Variants in MYO16 observed in about 807,000 individuals in gnomAD.
MYO16 encodes myosin XVI.
Under a neutral mutation model 205.3 loss-of-function variants are expected in MYO16, and 94 were observed. The observed-to-expected ratio is 0.46, with a 90% CI of 0.39 to 0.54. MYO16 has a LOEUF of 0.54. Ranked by LOEUF, MYO16 falls within the 20% of genes least tolerant of loss-of-function variation. The pLI is 0.00. For missense variants in MYO16, 2,315 were observed against 2,387.5 expected (o/e 0.97, Z 0.63); for synonymous variants, 988 against 954.0 (o/e 1.04, Z -0.66).
the MYO16 span, among the ~76,000 whole-genome samples, chr13:108,554,274 G>A: frequency 6.6e-6 from 1 of 151,810 alleles, no homozygotes; most frequent in East Asian, 1.9e-4. Context: ...CCTTCCCTGG[G>A]TCTTTTTCTT....
intron 14 of MYO16, among the ~76,000 whole-genome samples, chr13:108,893,388 T>TA (rs144896092): frequency 0.07 from 10,590 of 152,238 alleles, 482 homozygotes; most frequent in Middle Eastern, 0.2. Context: ...CTGTCTGCTG[T>TA]AAGAATTTAA....
At chr13:108,964,045 G>A (rs1303084560) in intron 19 of MYO16, among the ~76,000 whole-genome samples, 3 of 152,138 alleles carry the variant, frequency 2.0e-5, no homozygotes, top group Non-Finnish European at 2.9e-5. Flanking sequence ...CGCATTGCAC[G>A]TGGACCCCGC....
intron 21 of MYO16, among the ~76,000 whole-genome samples, chr13:108,998,114 T>A (rs183048269): frequency 4.0e-4 from 61 of 152,344 alleles, no homozygotes; most frequent in Admixed American, 1.4e-3. Context: ...TGCCCTTCAT[T>A]GTGAAATCAT....
chr13:108,949,480 T>C (rs1883059797), intron 16 of MYO16, among the ~76,000 whole-genome samples: 1 of 151,986 alleles, frequency 6.6e-6, no homozygotes, highest in Non-Finnish European at 1.5e-5. Flanking sequence ...AAGTATACAC[T>C]TAACAAAACA....
At chr13:108,622,934 C>T (rs537729413) in intron 1 of MYO16, among the ~76,000 whole-genome samples, 16 of 152,170 alleles carry the variant, frequency 1.1e-4, no homozygotes, top group Non-Finnish European at 1.8e-4. Context: ...AGTTCAAGGA[C>T]TCTAAGCTTT....
At chr13:109,090,182 G>A (rs1317212303) in intron 27 of MYO16, among the ~76,000 whole-genome samples, 4 of 152,182 alleles carry the variant, frequency 2.6e-5, no homozygotes, top group African/African-American at 4.8e-5. Context: ...GTGATAATGC[G>A]AAGACTTCTT....
intron 34 of MYO16, among the ~76,000 whole-genome samples, chr13:109,187,717 GC>G (rs1316541728): frequency 6.6e-6 from 1 of 152,190 alleles, no homozygotes; most frequent in Non-Finnish European, 1.5e-5. Context: ...CTGAGGGTAT[GC>G]CTTGTATGAT....
At chr13:108,516,321 G>A in the MYO16 span, among the ~76,000 whole-genome samples, 4 of 151,692 alleles carry the variant, frequency 2.6e-5, no homozygotes, top group South Asian at 4.2e-4. Flanking sequence ...GCAATGCCTC[G>A]CCCTGCTTCG....
intron 4 of MYO16, among the ~76,000 whole-genome samples, chr13:108,776,598 G>A (rs922731767): frequency 6.6e-6 from 1 of 152,120 alleles, no homozygotes; most frequent in Non-Finnish European, 1.5e-5. Flanking sequence ...CAATAAAACT[G>A]CTTCAAATAG....
intron 1 of MYO16, among the ~76,000 whole-genome samples, chr13:108,610,420 AC>A (rs1262189777): frequency 1.3e-5 from 2 of 152,016 alleles, no homozygotes; most frequent in African/African-American, 4.8e-5. Context: ...AATATTTGGG[AC>A]CTGGAGCGCT....
chr13:109,075,170 T>C (rs1888052864), intron 27 of MYO16, among the ~76,000 whole-genome samples: 1 of 152,210 alleles, frequency 6.6e-6, no homozygotes, highest in East Asian at 1.9e-4. Flanking sequence ...CAAGTGTTTA[T>C]ATAGACATGT....
intron 15 of MYO16, among the ~76,000 whole-genome samples, chr13:108,901,456 C>G (rs1880703739): frequency 1.3e-5 from 2 of 152,178 alleles, no homozygotes; most frequent in African/African-American, 2.4e-5. Flanking sequence ...AGAAAAGAAC[C>G]TACGTGAAAT....
chr13:108,904,060 C>T (rs904152683), intron 15 of MYO16, among the ~76,000 whole-genome samples: 3 of 152,078 alleles, frequency 2.0e-5, no homozygotes, highest in Non-Finnish European at 2.9e-5. Flanking sequence ...CTATTAGTTA[C>T]ACTTTTATAA....
intron 20 of MYO16, among the ~76,000 whole-genome samples, chr13:108,972,555 G>A (rs559379931): frequency 1.3e-5 from 2 of 149,934 alleles, no homozygotes; most frequent in South Asian, 2.1e-4. Context: ...TCACAGAGTA[G>A]CAGATAAGGG....
chr13:109,183,306 G>A (rs1342265789), intron 34 of MYO16, among the ~76,000 whole-genome samples: 3 of 152,180 alleles, frequency 2.0e-5, no homozygotes, highest in Non-Finnish European at 4.4e-5. Flanking sequence ...TGCCGACTCA[G>A]AGGGCCAGGT....
intron 4 of MYO16, among the ~76,000 whole-genome samples, chr13:108,783,420 T>G (rs919689748): frequency 3.9e-5 from 6 of 152,212 alleles, no homozygotes; most frequent in Non-Finnish European, 5.9e-5. Context: ...AGCTTGCTTT[T>G]GATTTTACAG....
intron 27 of MYO16, among the ~76,000 whole-genome samples, chr13:109,069,804 T>A (rs1054444089): frequency 5.3e-5 from 8 of 152,116 alleles, no homozygotes; most frequent in Non-Finnish European, 2.9e-5. Flanking sequence ...ACATTGGGGA[T>A]TTGGAGACTT....
chr13:108,773,657 T>C (rs9521031), intron 4 of MYO16, among the ~76,000 whole-genome samples: 72,405 of 152,064 alleles, frequency 0.48, 18,606 homozygotes, highest in East Asian at 0.87. Flanking sequence ...TCTGCAGTGA[T>C]CCTATTTCCA....
chr13:109,004,273 A>G (rs1208816731), intron 21 of MYO16, among the ~76,000 whole-genome samples: 1 of 152,192 alleles, frequency 6.6e-6, no homozygotes, highest in African/African-American at 2.4e-5. Flanking sequence ...TATATATCAT[A>G]TAGTCAAAGA....
Sources: gnomAD v4.1 joint callset for allele counts (sites outside exome capture counted in the v4.1 genomes callset) on GRCh38, gnomAD v4.1.1 for gene constraint, MANE v1.5 for transcripts, NCBI Gene and HGNC (gene_info 2026-07-23, HGNC 2026-07-21) for gene names.